The following ADGRB1 variants were observed in gnomAD, a reference collection of about 807,000 sequenced individuals.
ADGRB1 encodes adhesion G protein-coupled receptor B1, also known as brain-specific angiogenesis inhibitor 1.
A neutral mutation model predicts 175.7 loss-of-function variants in ADGRB1; 36 were observed. That is an observed-to-expected ratio of 0.20 (90% CI 0.16 to 0.27). The LOEUF (loss-of-function observed/expected upper bound fraction) is 0.27, where lower values mean the gene tolerates loss of function less well. ADGRB1 is among the 10% of genes least tolerant of loss of function. The probability of loss-of-function intolerance (pLI) is 1.00; values close to 1 mark genes in which losing one functional copy is unlikely to be tolerated. For missense variants in ADGRB1, 1,731 were observed against 2,255.3 expected (o/e 0.77, Z 4.71); for synonymous variants, 1,054 against 979.4 (o/e 1.08, Z -1.42).
At position 142,522,717 on chromosome 8, in the gene ADGRB1, C is replaced by T. The variant is rs766473638; in HGVS notation, c.3245+7C>T. The stretch of plus-strand genomic sequence containing the variant: ...GGTACAGCACCATGAACTAGTGAGT[C>T]GGGGCATTGGGGGTGTGGTGGATGG... On this transcript the variant is annotated splice_region_variant and intron_variant, in intron 22 of 30. Transcript: ENST00000517894. 55 of 1,507,936 alleles carry T rather than the reference C, an allele frequency of 3.6e-5. No individual in the cohort carries two copies. The East Asian group carries it at 1.1e-3, about 30-fold the overall frequency. 93.4% of individuals were successfully genotyped at this position (1,507,936 alleles called of 1,614,324 possible).
At chr8:142,481,861 A>C in intron 11 of ADGRB1, 150 bp downstream of exon 11, 2 of 722,418 alleles carry the variant, frequency 2.8e-6, no homozygotes, top group Non-Finnish European at 4.3e-6. Context: ...CACACATTTA[A>C]TCTTGGTCAC....
intron 25 of ADGRB1, among the ~76,000 whole-genome samples, chr8:142,534,604 C>T (rs753271249): frequency 7.9e-5 from 12 of 152,162 alleles, no homozygotes; most frequent in African/African-American, 1.9e-4. Context: ...TGTCCAGCAG[C>T]GAAACGGCTC....
intron 17 of ADGRB1, among the ~76,000 whole-genome samples, chr8:142,498,809 G>C (rs1232853998): frequency 6.6e-6 from 1 of 152,160 alleles, no homozygotes; most frequent in Non-Finnish European, 1.5e-5. Flanking sequence ...TCTATAGAAA[G>C]TCTGCCAGAT....
chr8:142,544,303 G>A lies in ADGRB1; in HGVS notation c.4641G>A (p.Glu1547=). Residue 1547 remains glutamate, a synonymous_variant, in exon 31 of 31, where the codon GAG becomes GAA. Transcript: ENST00000517894. ...GGACGCCCACGTGGGTGAAGAAGGA[G>A]CTGGAGCCGCTGCAGCCGTCGCCGC... ...AHGTPTWVKK[E]LEPLQPSPLE... is the part of the protein sequence containing the mutation. 6.5e-7 allele frequency: 1 copy of A among 1,549,164 alleles called. No homozygotes were observed. Among genetic ancestry groups the A allele is most frequent in the East Asian group, 2.4e-5 (1 of 40,896 alleles).
At chr8:142,459,605 A>G (rs1281892143) in intron 1 of ADGRB1, among the ~76,000 whole-genome samples, 1 of 152,206 alleles carries the variant, frequency 6.6e-6, no homozygotes, top group Non-Finnish European at 1.5e-5. Flanking sequence ...GCTGTCCCAC[A>G]GCCACGTGGC....
intron 24 of ADGRB1, among the ~76,000 whole-genome samples, chr8:142,529,082 C>T (rs1388687991): frequency 2.0e-5 from 3 of 152,262 alleles, no homozygotes; most frequent in Admixed American, 6.5e-5. Flanking sequence ...GGTCTGCACC[C>T]ATGACACCCC....
At position 142,476,645 on chromosome 8, in the gene ADGRB1, A is replaced by T. The variant is rs1260012040; in HGVS notation, c.1007A>T (p.Glu336Val). 4 of 1,548,470 alleles carry T rather than the reference A, an allele frequency of 2.6e-6. No homozygotes were observed. In the African/African-American group the frequency reaches 5.5e-5, roughly 21 times the overall value. The change falls in exon 4 of 31, where the codon GAG becomes GTG. Residue 336 changes from glutamate to valine, a missense_variant. Glu to Val is a moderately radical substitution (Grantham distance 121, BLOSUM62 -2). This residue lies in a region of ADGRB1 where 178 missense variants were observed against 227.8 expected (regional missense o/e 0.78). Coordinates refer to ENST00000517894, the MANE Select transcript of ADGRB1 (RefSeq NM_001702.3). ...SLRSTDARRR[E>V]ELGDELQQFG... ...CGGTCCACAGATGCCCGGCGGCGCG[A>T]GGAGCTGGGGGACGAGCTGCAGCAG...
chr8:142,528,263 C>T (rs571551622), intron 24 of ADGRB1, among the ~76,000 whole-genome samples: 10 of 152,324 alleles, frequency 6.6e-5, no homozygotes, highest in South Asian at 2.1e-4. Flanking sequence ...GGAATTTTGC[C>T]GCTTTGTGCA....
In ADGRB1 at chr8:142,508,636, C is replaced by T. The variant is rs75366990; in HGVS notation, c.2676-2296C>T. 3.3e-5 allele frequency among the ~76,000 whole-genome samples: 5 copies of T among 152,188 alleles called. No homozygotes were observed. The East Asian group carries it at 7.7e-4, about 23-fold the overall frequency. ...ACGCAGAACAGCCTGGGTCCCTGGC[C>T]GCCATCGCAGTGGCTGGGTAAGTGT... On this transcript the variant is annotated intron_variant, in intron 17 of 30. Coordinates refer to ENST00000517894, the MANE Select transcript of ADGRB1 (RefSeq NM_001702.3).
At chr8:142,462,085 G>A (rs1839999173) in intron 1 of ADGRB1, among the ~76,000 whole-genome samples, 1 of 152,158 alleles carries the variant, frequency 6.6e-6, no homozygotes, top group Non-Finnish European at 1.5e-5. Flanking sequence ...CTGGGGGCAG[G>A]ACTGGAGGAG....
chr8:142,464,690 C>G lies in ADGRB1; in HGVS notation c.492C>G (p.Gly164=). 1 of 1,527,820 alleles carries G rather than the reference C, an allele frequency of 6.5e-7. No individual in the cohort carries two copies. Among genetic ancestry groups the G allele is most frequent in the Non-Finnish European group, 8.7e-7 (1 of 1,142,898 alleles). 94.6% of individuals were successfully genotyped at this position (1,527,820 alleles called of 1,614,324 possible). ...DGLRPRAGPP[G]PTDDFSVEYL... Reference sequence around the variant, plus strand: ...TCCGGCCCCGGGCCGGGCCGCCGGGCCCCACCGACGACTTCTCCGTGGAGT... The same window carrying G: ...TCCGGCCCCGGGCCGGGCCGCCGGGGCCCACCGACGACTTCTCCGTGGAGT... The change falls in exon 2 of 31, where the codon GGC becomes GGG. Residue 164 remains glycine, a synonymous_variant. Coordinates refer to ENST00000517894, the MANE Select transcript of ADGRB1 (RefSeq NM_001702.3).
chr8:142,517,901 G>A (rs1328689227), intron 18 of ADGRB1, among the ~76,000 whole-genome samples: 2 of 152,126 alleles, frequency 1.3e-5, no homozygotes, highest in Non-Finnish European at 2.9e-5. Flanking sequence ...ATGACTGTGG[G>A]GCACAGGCAA....
intron 24 of ADGRB1, among the ~76,000 whole-genome samples, chr8:142,529,627 C>T (rs952636476): frequency 2.1e-5 from 3 of 142,442 alleles, no homozygotes; most frequent in Non-Finnish European, 3.0e-5. Context: ...AGTGTGCATA[C>T]GTGTGAGCAT....
rs1393178422 is a variant in ADGRB1 at position 142,493,298 on chromosome 8, C to T, written c.2675+2483C>T. Among the ~76,000 whole-genome samples the T allele has an allele frequency of 6.6e-6, 1 of 152,052 alleles. No individual in the cohort carries two copies. Among genetic ancestry groups the T allele is most frequent in the African/African-American group, 2.4e-5 (1 of 41,416 alleles). The stretch of plus-strand genomic sequence containing the variant: ...TGCGTGGCCTTGGGCAGAGCCTGTG[C>T]CCTGGGAGCCTTGGCTTCCTGACCC... On this transcript the variant is annotated intron_variant, in intron 17 of 30. Transcript: ENST00000517894. The surrounding 1 kb of genome is among the most constrained non-coding windows in gnomAD (Gnocchi z 5.0).
At chr8:142,499,813 G>C (rs1174454799) in intron 17 of ADGRB1, among the ~76,000 whole-genome samples, 1 of 152,214 alleles carries the variant, frequency 6.6e-6, no homozygotes, top group African/African-American at 2.4e-5. Flanking sequence ...GCCACTTCCT[G>C]GGTGCCTGCT....
chr8:142,505,676 G>A (rs1842815623), intron 17 of ADGRB1, among the ~76,000 whole-genome samples: 1 of 152,224 alleles, frequency 6.6e-6, no homozygotes, highest in Non-Finnish European at 1.5e-5. Flanking sequence ...TGGGAGCACT[G>A]TGGCCTTTGC....
intron 1 of ADGRB1, among the ~76,000 whole-genome samples, chr8:142,456,643 G>A (rs529012073): frequency 2.0e-5 from 3 of 152,246 alleles, no homozygotes; most frequent in Non-Finnish European, 4.4e-5. Context: ...TTGCACCGAG[G>A]CTGCTCACCT....
intron 1 of ADGRB1, among the ~76,000 whole-genome samples, chr8:142,457,189 G>T (rs989383130): frequency 6.6e-6 from 1 of 152,158 alleles, no homozygotes; most frequent in African/African-American, 2.4e-5. Context: ...TAAGATGAGG[G>T]GTAACACAGC....
At position 142,542,578 on chromosome 8, in the gene ADGRB1, T is replaced by G. The variant is rs1275764624; in HGVS notation, c.4344T>G (p.His1448Gln). 4 of 1,511,838 alleles carry G rather than the reference T, an allele frequency of 2.6e-6. No individual in the cohort carries two copies. Among genetic ancestry groups the G allele is most frequent in the Non-Finnish European group, 3.6e-6 (4 of 1,125,576 alleles). 93.7% of individuals were successfully genotyped at this position (1,511,838 alleles called of 1,614,324 possible). ...SLGDPGEPAAHPGPSTGPSTK... is the reference protein window; with the variant it reads ...SLGDPGEPAAQPGPSTGPSTK... ...GGGATCCCGGGGAGCCTGCCGCCCA[T>G]CCGGGACCCAGCACGGGGCCCAGCA... The change falls in exon 28 of 31, where the codon CAT becomes CAG. Residue 1448 changes from histidine (H) to glutamine (Q), a missense_variant. By Grantham distance (24) the His-to-Gln change is conservative. This residue lies in a region of ADGRB1 where 394 missense variants were observed against 410.2 expected (regional missense o/e 0.96). Coordinates refer to ENST00000517894, the MANE Select transcript of ADGRB1 (RefSeq NM_001702.3). This position sits in a 1 kb window ranked among gnomAD's most constrained non-coding sequence, Gnocchi z 6.3.
Sources: gnomAD v4.1 joint callset for allele counts (sites outside exome capture counted in the v4.1 genomes callset) on GRCh38, gnomAD v4.1.1 for gene constraint, gnomAD v4.1.1 regional missense constraint, Gnocchi (gnomAD v3.1) non-coding constraint, MANE v1.5 for transcripts, NCBI Gene and HGNC (gene_info 2026-07-23, HGNC 2026-07-21) for gene names.